Variants in PLEC observed in about 807,000 individuals in gnomAD.
PLEC encodes the protein hemidesmosomal protein 1.
In PLEC, 216 loss-of-function variants were observed where a neutral mutation model predicts 392.8. The ratio of observed to expected loss-of-function variants is 0.55; its 90% CI spans 0.49 to 0.62. PLEC has a LOEUF of 0.62. PLEC is among the 20% of genes least tolerant of loss of function. The pLI, the probability that PLEC is intolerant of heterozygous loss-of-function variation, is 0.00. For missense variants in PLEC, 6,863 were observed against 6,563.4 expected, an observed-to-expected ratio of 1.05 and a Z score of -1.58; for synonymous variants, 3,621 against 2,980.6, an observed-to-expected ratio of 1.21 and a Z score of -7.00.
At chr8:143,938,492 GA>G in intron 2 of PLEC, 138 bp downstream of exon 2, 1 of 1,560,746 alleles carries the variant, frequency 6.4e-7, no homozygotes, top group Non-Finnish European at 8.7e-7. Flanking sequence ...GAAGAAAGAG[GA>G]CAGAAAATAA....
Position 143,920,318 on chromosome 8 carries a change from C to T in PLEC, c.9503G>A (p.Ser3168Asn). Residue 3168 changes from serine to asparagine, a missense_variant, in exon 32 of 32, where the codon AGC (serine) becomes AAC (asparagine). Physicochemically the swap from Ser to Asn is conservative, Grantham distance 46 (BLOSUM62 1). Coordinates refer to ENST00000345136, the MANE Select transcript of PLEC (RefSeq NM_201384.3). ...GGCCCTTGGTGCCGACAGGGCCCTG[C>T]TGGTCTCCTCATCCAGGCAGCCTCG... Reference protein sequence around the residue: ...CARGCLDEETSRALSAPRADA... With the variant: ...CARGCLDEETNRALSAPRADA... 6.3e-7 allele frequency: 1 copy of T among 1,592,020 alleles called. No individual in the cohort carries two copies. Among genetic ancestry groups the T allele is most frequent in the Admixed American group, 1.7e-5 (1 of 57,964 alleles).
rs782611923 is a variant in PLEC at position 143,922,572 on chromosome 8, C to T, written c.7357G>A (p.Ala2453Thr). 34 of 1,613,352 alleles carry T rather than the reference C, an allele frequency of 2.1e-5. No individual in the cohort carries two copies. Among genetic ancestry groups the T allele is most frequent in the African/African-American group, 1.5e-4 (11 of 74,928 alleles). The change falls in exon 31 of 32, where the codon GCT (alanine) becomes ACT (threonine). Residue 2453 changes from alanine to threonine, a missense_variant. Transcript: ENST00000345136. The stretch of plus-strand genomic sequence containing the variant: ...TTCTCCTTCTCACGCTCCAGCTCAG[C>T]GATGGCCTCCCGCAGGCGCTCGGCA... The part of the protein sequence containing the change: ...HDAERLREAI[A>T]ELEREKEKLQ...
In PLEC at chr8:143,916,412, G is replaced by A; in HGVS notation, c.13409C>T (p.Ser4470Phe). 1 of 1,611,504 alleles carries A rather than the reference G, an allele frequency of 6.2e-7. No individual in the cohort carries two copies. The highest frequency in any genetic ancestry group is 8.5e-7 in the Non-Finnish European group (1 of 1,179,388). Residue 4470 changes from serine (S) to phenylalanine (F), a missense_variant, in exon 32 of 32, where the codon TCC (serine) becomes TTC (phenylalanine). Physicochemically the swap from Ser to Phe is radical, Grantham distance 155 (BLOSUM62 -2). Coordinates refer to ENST00000345136, the MANE Select transcript of PLEC (RefSeq NM_201384.3). ...GTAGGGGCTGTAGTAGCCCTTGGTG[G>A]ACTGCGCGGCAGCCTCCAGCAGCCG... is the stretch of plus-strand genomic sequence containing the variant. ...GLRLLEAAAQ[S>F]TKGYYSPYSV...
chr8:143,975,470 C>T, upstream of PLEC: 1 of 1,026,888 alleles, frequency 9.7e-7, no homozygotes, highest in South Asian at 1.3e-5. The surrounding 1 kb of genome is among the most constrained non-coding windows in gnomAD (Gnocchi z 9.9). Flanking sequence ...AGACACTGAA[C>T]TCTCCCCACC....
At chr8:143,926,720 T>C (rs1434150949) in intron 30 of PLEC, 64 bp downstream of exon 30, 18 of 1,336,780 alleles carry the variant, frequency 1.3e-5, no homozygotes, top group Non-Finnish European at 1.8e-5. Context: ...CCTGTGGCTG[T>C]GTGTGGGACA....
In PLEC at chr8:143,923,052, G is replaced by A. The variant is rs1303346197; in HGVS notation, c.6877C>T (p.Leu2293=). The A allele has an allele frequency of 3.1e-6, 5 of 1,610,742 alleles. No homozygotes were observed. Among genetic ancestry groups the A allele is most frequent in the Non-Finnish European group, 3.4e-6 (4 of 1,179,736 alleles). ...AGGTCCTCCTCTGCCAGCTGCCGCA[G>A]TCGCGCAGCCTCTTGGGCCGCCACA... ...LSVAAQEAAR[L]RQLAEEDLAQ... The change falls in exon 31 of 32, where the codon CTG becomes TTG. Residue 2293 remains leucine (L), a synonymous_variant. Coordinates refer to ENST00000345136, the MANE Select transcript of PLEC (RefSeq NM_201384.3).
rs532321410 is a variant in PLEC, at chr8:143,932,825, G to A, written c.1705C>T (p.Arg569Trp). 145 of 1,612,516 alleles carry A rather than the reference G, an allele frequency of 9.0e-5. No individual in the cohort carries two copies. In the South Asian group the frequency reaches 9.6e-4, roughly 11 times the overall value. Residue 569 changes from arginine to tryptophan, a missense_variant, in exon 14 of 32, where the codon CGG (arginine) becomes TGG (tryptophan). Physicochemically the swap from Arg to Trp is moderately radical, Grantham distance 101. Coordinates refer to ENST00000345136, the MANE Select transcript of PLEC (RefSeq NM_201384.3). ...RGLHQSIEEFRAKIERARSDE... is the reference protein window; with the variant it reads ...RGLHQSIEEFWAKIERARSDE... ...CTCCGTGCCCGCTCGATCTTGGCCC[G>A]GAATTCTTCGATGGACTGGTGCAGG...
intron 28 of PLEC, 69 bp downstream of exon 28, chr8:143,927,182 CA>C: frequency 6.3e-7 from 1 of 1,581,188 alleles, no homozygotes. Context: ...GGCCCAGGCT[CA>C]GGGAAAGCCC....
Position 143,938,155 on chromosome 8 carries a change from C to T in PLEC, c.260G>A (p.Ser87Asn). ...AGGGGGCAGGGGCACACGTACCAGG[C>T]TGTCCCCCGAGAGGACCTCCAGCAG... The part of the protein sequence containing the change: ...ISLLEVLSGD[S>N]LPREKGRMRF... Residue 87 changes from serine (S) to asparagine (N), a missense_variant, in exon 3 of 32, where the codon AGC (serine) becomes AAC (asparagine). By Grantham distance (46) the Ser-to-Asn change is conservative. Coordinates refer to ENST00000345136, the MANE Select transcript of PLEC (RefSeq NM_201384.3). The T allele has an allele frequency of 6.2e-7, 1 of 1,603,110 alleles. No homozygotes were observed.
Position 143,920,384 on chromosome 8 carries a change from G to T in PLEC, c.9437C>A (p.Pro3146His), listed in dbSNP as rs782431012. ...AQLSTGGIVD[P>H]SKSHRVPLDV... ...CAGGGGCACGCGGTGGCTCTTGCTG[G>T]GGTCCACGATGCCGCCCGTGGACAG... The change falls in exon 32 of 32, where the codon CCC becomes CAC. Residue 3146 changes from proline to histidine, a missense_variant. Physicochemically the swap from Pro to His is moderately conservative, Grantham distance 77. Coordinates refer to ENST00000345136, the MANE Select transcript of PLEC (RefSeq NM_201384.3). 2 of 1,592,322 alleles carry T rather than the reference G, an allele frequency of 1.3e-6. No homozygotes were observed. The highest frequency in any genetic ancestry group is 3.4e-5 in the Admixed American group (2 of 58,650).
intron 1 of PLEC, among the ~76,000 whole-genome samples, chr8:143,966,681 T>TCCC (rs1472649616): frequency 6.7e-6 from 1 of 150,046 alleles, no homozygotes; most frequent in Admixed American, 6.6e-5. Flanking sequence ...CAACACATAG[T>TCCC]CCCCGCGTCA....
upstream of PLEC, among the ~76,000 whole-genome samples, chr8:143,944,247 C>G (rs1450372336): frequency 6.6e-6 from 1 of 152,160 alleles, no homozygotes; most frequent in African/African-American, 2.4e-5. Flanking sequence ...CTGGCCAAGC[C>G]GCAGCCCCCC....
rs781990324 is a variant in PLEC at position 143,920,978 on chromosome 8, C to G, written c.8843G>C (p.Gly2948Ala). 9.3e-6 allele frequency: 15 copies of G among 1,613,162 alleles called. 1 individual carries two copies. Among genetic ancestry groups the G allele is most frequent in the South Asian group, 7.7e-5 (7 of 91,086 alleles). ...RRDLLRQFRT[G>A]RITVEKIIKI... is the part of the protein sequence containing the mutation. ...GATGATCTTCTCCACTGTGATCCGG[C>G]CCGTGCGGAACTGCCGCAGCAGGTC... Residue 2948 changes from glycine to alanine, a missense_variant, in exon 32 of 32, where the codon GGC becomes GCC. Coordinates refer to ENST00000345136, the MANE Select transcript of PLEC (RefSeq NM_201384.3).
chr8:143,959,969 A>C (rs1832794268), intron 1 of PLEC, among the ~76,000 whole-genome samples: 1 of 146,758 alleles, frequency 6.8e-6, no homozygotes, highest in Non-Finnish European at 1.5e-5. Flanking sequence ...ACAGAGTGAG[A>C]CTCCGTCTCA....
chr8:143,974,372 G>A (rs1587435434), upstream of PLEC, among the ~76,000 whole-genome samples: 1 of 152,276 alleles, frequency 6.6e-6, no homozygotes, highest in East Asian at 1.9e-4. This position sits in a 1 kb window ranked among gnomAD's most constrained non-coding sequence, Gnocchi z 5.9. Context: ...CAAGTGGGAA[G>A]AAAGTGACTT....
chr8:143,931,644 G>T lies in PLEC; in HGVS notation c.2194C>A (p.Arg732=). Residue 732 remains arginine (R), a synonymous_variant, in exon 19 of 32, where the codon CGG becomes AGG. Coordinates refer to ENST00000345136, the MANE Select transcript of PLEC (RefSeq NM_201384.3). ...TTCTGCAACTGCCCCTCGGCCTCCC[G>T]CACATCTGAGAAGAACTGGGGCAGC... ...AAYFQFFSDV[R]EAEGQLQKLQ... is the part of the protein sequence containing the mutation. 6.3e-7 allele frequency: 1 copy of T among 1,599,874 alleles called. No individual in the cohort carries two copies. The highest frequency in any genetic ancestry group is 8.5e-7 in the Non-Finnish European group (1 of 1,173,946).
rs782712015 is a variant in PLEC, at chr8:143,938,118, G to A, written c.264+33C>T. ...CAGGCAGAGGTCTCCAGGTGGGGCA[G>A]GCGGGGCCCGGAGGGGGCAGGGGCA... is the stretch of plus-strand genomic sequence containing the variant. On this transcript the variant is annotated intron_variant, in intron 3 of 31. Coordinates refer to ENST00000345136, the MANE Select transcript of PLEC (RefSeq NM_201384.3). The A allele has an allele frequency of 3.9e-6, 6 of 1,530,368 alleles. No individual in the cohort carries two copies. In the South Asian group the frequency reaches 6.9e-5, roughly 18 times the overall value. 94.8% of individuals were successfully genotyped at this position (1,530,368 alleles called of 1,614,324 possible).
In PLEC at chr8:143,929,490, C is replaced by A. The variant is rs369325695; in HGVS notation, c.3005G>T (p.Arg1002Leu). ...CGGCAGCCGCAGGCGGTGCACGGTG[C>A]GCGTCTCACAGGCCTCCAGCTGCAG... Reference protein sequence around the residue: ...IRLQLEACETRTVHRLRLPLD... With the variant: ...IRLQLEACETLTVHRLRLPLD... Residue 1002 changes from arginine (R) to leucine (L), a missense_variant, in exon 24 of 32, where the codon CGC becomes CTC. Coordinates refer to ENST00000345136, the MANE Select transcript of PLEC (RefSeq NM_201384.3). The A allele has an allele frequency of 6.2e-7, 1 of 1,608,904 alleles. No homozygotes were observed. Among genetic ancestry groups the A allele is most frequent in the African/African-American group, 1.3e-5 (1 of 74,996 alleles).
At chr8:143,966,450 G>A (rs782167918) in intron 1 of PLEC, among the ~76,000 whole-genome samples, 3 of 152,170 alleles carry the variant, frequency 2.0e-5, no homozygotes, top group Admixed American at 1.3e-4. Context: ...TGGCTCTTCC[G>A]CCCTCTCTGC....
Sources: allele counts gnomAD v4.1 joint callset (sites outside exome capture counted in the v4.1 genomes callset), GRCh38; gene constraint gnomAD v4.1.1; non-coding constraint Gnocchi (gnomAD v3.1); transcripts MANE v1.5; gene names NCBI Gene and HGNC (gene_info 2026-07-23, HGNC 2026-07-21).